ADCK1: variants seen among roughly 807,000 people sequenced by gnomAD.
The protein encoded by ADCK1 is aarF domain containing kinase 1.
ADCK1 carries 41 observed loss-of-function variants against 52.3 expected under a neutral mutation model. That is an observed-to-expected ratio of 0.78 (90% CI 0.61 to 1.02). ADCK1 has a LOEUF of 1.02. ADCK1 is among the 50% of genes least tolerant of loss of function. ADCK1 has a pLI of 0.00. For synonymous variants in ADCK1, 250 were observed against 274.6 expected (o/e 0.91, Z 0.89); for missense variants, 658 against 679.5 (o/e 0.97, Z 0.35).
intron 4 of ADCK1, among the ~76,000 whole-genome samples, chr14:77,865,201 G>A (rs2082637733): frequency 6.6e-6 from 1 of 152,148 alleles, no homozygotes; most frequent in Non-Finnish European, 1.5e-5. Flanking sequence ...TCACACAGCT[G>A]AGTGCGATGG....
chr14:77,822,222 G>A (rs564682829), intron 2 of ADCK1, among the ~76,000 whole-genome samples: 3 of 152,302 alleles, frequency 2.0e-5, no homozygotes, highest in African/African-American at 4.8e-5. Flanking sequence ...CAATTTTGGC[G>A]TGGGCCCCTG....
rs1486338491 is a variant in ADCK1, at chr14:77,829,520, C to T, written c.219+7002C>T. On this transcript the variant is annotated intron_variant, in intron 3 of 10. Transcript: ENST00000238561. ...CTATGTTGCCCAAGCTGGTCTTGAA[C>T]TCCTGGCCTCAAGTGATCCTGGTGC... 2.0e-5 allele frequency among the ~76,000 whole-genome samples: 3 copies of T among 151,270 alleles called. 1 individual carries two copies. Among genetic ancestry groups the T allele is most frequent in the Non-Finnish European group, 4.4e-5 (3 of 67,636 alleles).
chr14:77,889,215 C>CT (rs1209229765), intron 5 of ADCK1, among the ~76,000 whole-genome samples: 1 of 152,154 alleles, frequency 6.6e-6, no homozygotes, highest in East Asian at 1.9e-4. Flanking sequence ...TCAGGTATGT[C>CT]TTTTTAGCAG....
intron 3 of ADCK1, among the ~76,000 whole-genome samples, chr14:77,831,618 T>C (rs929616986): frequency 1.3e-5 from 2 of 152,210 alleles, no homozygotes; most frequent in Non-Finnish European, 2.9e-5. Context: ...AGGGTCTTGC[T>C]TTGTTGTCCA....
chr14:77,873,368 GCCATGGGAGGC>G (rs2082827917), intron 4 of ADCK1, among the ~76,000 whole-genome samples: 1 of 152,238 alleles, frequency 6.6e-6, no homozygotes, highest in Non-Finnish European at 1.5e-5. Flanking sequence ...GGTGATTTAT[GCCATGGGAGGC>G]CCTGTTCAAG....
At chr14:77,929,152 T>A (rs767665312) in intron 9 of ADCK1, among the ~76,000 whole-genome samples, 1 of 152,222 alleles carries the variant, frequency 6.6e-6, no homozygotes, top group Non-Finnish European at 1.5e-5. Flanking sequence ...ACAGGCTCAG[T>A]CTTTCTGAGC....
chr14:77,862,726 C>T (rs73309329), intron 4 of ADCK1, among the ~76,000 whole-genome samples: 2,266 of 152,290 alleles, frequency 0.015, 56 homozygotes, highest in African/African-American at 0.051. Context: ...CTGGTCTACG[C>T]GGTTGGCATT....
chr14:77,842,660 C>T (rs1293130913), intron 3 of ADCK1, among the ~76,000 whole-genome samples: 2 of 151,828 alleles, frequency 1.3e-5, no homozygotes, highest in African/African-American at 2.4e-5. Flanking sequence ...AAGCAAATCT[C>T]CTGCCTCAGC....
chr14:77,884,262 G>A (rs531115702), intron 4 of ADCK1, among the ~76,000 whole-genome samples: 13 of 152,332 alleles, frequency 8.5e-5, no homozygotes, highest in Admixed American at 3.9e-4. Context: ...AGATGAGGGT[G>A]TGAGTTCACA....
chr14:77,862,942 T>G (rs2082583242), intron 4 of ADCK1, among the ~76,000 whole-genome samples: 1 of 152,116 alleles, frequency 6.6e-6, no homozygotes, highest in Non-Finnish European at 1.5e-5. Context: ...CCCAGCCCCT[T>G]AGAGATGGAT....
At chr14:77,858,591 C>A (rs1044188249) in intron 3 of ADCK1, among the ~76,000 whole-genome samples, 2 of 151,980 alleles carry the variant, frequency 1.3e-5, no homozygotes, top group African/African-American at 4.8e-5. Context: ...TTAAAGATAC[C>A]AAAACTTGCT....
intron 3 of ADCK1, among the ~76,000 whole-genome samples, chr14:77,848,896 A>AG (rs1566663144): frequency 4.0e-5 from 6 of 150,452 alleles, no homozygotes; most frequent in Non-Finnish European, 7.4e-5. Context: ...CATGATCTCA[A>AG]CTCACTGCAA....
chr14:77,848,072 T>A (rs1022191496), intron 3 of ADCK1, among the ~76,000 whole-genome samples: 4 of 152,162 alleles, frequency 2.6e-5, no homozygotes, highest in Admixed American at 2.6e-4. Flanking sequence ...CTTTTAAAAA[T>A]TTTTTAAAAT....
chr14:77,881,367 G>A (rs1185520104), intron 4 of ADCK1, among the ~76,000 whole-genome samples: 1 of 152,214 alleles, frequency 6.6e-6, no homozygotes, highest in Non-Finnish European at 1.5e-5. Context: ...GGGCGAGTGA[G>A]AGACTCGTCA....
rs572582931 is a variant in ADCK1, at chr14:77,921,642, A to G, written c.859-2815A>G. On this transcript the variant is annotated intron_variant, in intron 7 of 10. Coordinates refer to ENST00000238561, the MANE Select transcript of ADCK1 (RefSeq NM_020421.4). ...CTGGTGAAATCTGGTTAAAACAAAC[A>G]TTAGGAACAGTCCCAAATGGAAAGA... 1.1e-3 allele frequency among the ~76,000 whole-genome samples: 167 copies of G among 152,254 alleles called. 1 individual carries two copies. The highest frequency in any genetic ancestry group is 3.7e-3 in the African/African-American group (155 of 41,552).
At position 77,908,166 on chromosome 14, in the gene ADCK1, G is replaced by A. The variant is rs1353609158; in HGVS notation, c.858+247G>A. 1.7e-5 allele frequency: 6 copies of A among 345,570 alleles called. No individual in the cohort carries two copies. In the East Asian group the frequency reaches 2.9e-4, roughly 17 times the overall value. 21.4% of individuals were successfully genotyped at this position (345,570 alleles called of 1,614,324 possible). ...TTCTGCCATTACCTGCTTTTCCTTT[G>A]TACCATCTGAGCCCCACAAAGCTAA... On this transcript the variant is annotated intron_variant, in intron 7 of 10. Coordinates refer to ENST00000238561, the MANE Select transcript of ADCK1 (RefSeq NM_020421.4).
chr14:77,928,927 C>T (rs1178497124), intron 9 of ADCK1, among the ~76,000 whole-genome samples: 1 of 152,180 alleles, frequency 6.6e-6, no homozygotes, highest in Non-Finnish European at 1.5e-5. Context: ...AGTTATTTGT[C>T]TGCACGCCTT....
At chr14:77,803,261 G>A (rs1364606065) in intron 1 of ADCK1, among the ~76,000 whole-genome samples, 1 of 152,062 alleles carries the variant, frequency 6.6e-6, no homozygotes, top group Non-Finnish European at 1.5e-5. Flanking sequence ...GAAATGGGAG[G>A]AGGCCATGGT....
chr14:77,814,062 C>T (rs1218809922), intron 1 of ADCK1, among the ~76,000 whole-genome samples: 2 of 151,734 alleles, frequency 1.3e-5, no homozygotes, highest in Admixed American at 6.6e-5. Context: ...GCCACCACGC[C>T]GAGCCTTATT....
Sources: allele counts gnomAD v4.1 joint callset (sites outside exome capture counted in the v4.1 genomes callset), GRCh38; gene constraint gnomAD v4.1.1; transcripts MANE v1.5; gene names NCBI Gene and HGNC (gene_info 2026-07-23, HGNC 2026-07-21).